GPI: variants seen among roughly 807,000 people sequenced by gnomAD.
GPI encodes glucose-6-phosphate isomerase.
A neutral mutation model predicts 75.8 loss-of-function variants in GPI; 56 were observed. The observed-to-expected ratio is 0.74, with a 90% confidence interval of 0.60 to 0.92. The LOEUF is 0.92. Among genes scored for constraint, GPI ranks in the 40% least tolerant of loss-of-function variants. The pLI is 0.00. For synonymous variants in GPI, 288 were observed against 285.4 expected, an observed-to-expected ratio of 1.01 and a Z score of -0.09; for missense variants, 638 against 741.0, an observed-to-expected ratio of 0.86 and a Z score of 1.61.
rs1481675001 is a variant in GPI at position 34,388,654 on chromosome 19, C to T, written c.805-4594C>T. The stretch of plus-strand genomic sequence containing the variant: ...GGTGAGGTCTAGAGACCCATGTCTG[C>T]AGATTGAGGGTTCGGAGGCTCAGGT... On this transcript the variant is annotated intron_variant, in intron 9 of 17. Transcript: ENST00000356487. Among the ~76,000 whole-genome samples the T allele has an allele frequency of 3.9e-5, 6 of 152,104 alleles. No individual in the cohort carries two copies. The South Asian group carries it at 1.0e-3, about 26-fold the overall frequency.
intron 4 of GPI, among the ~76,000 whole-genome samples, chr19:34,373,575 A>T (rs1226152516): frequency 6.6e-6 from 1 of 151,908 alleles, no homozygotes; most frequent in Admixed American, 6.6e-5. Flanking sequence ...AAAAAAAAAA[A>T]ATTAAAAGAA....
chr19:34,385,866 G>T (rs2074727258), intron 9 of GPI, among the ~76,000 whole-genome samples: 1 of 152,198 alleles, frequency 6.6e-6, no homozygotes, highest in Admixed American at 6.5e-5. Flanking sequence ...TCAGGCTCAG[G>T]TAGGTAGATC....
In GPI at chr19:34,393,860, C is replaced by G. The variant is rs561865202; in HGVS notation, c.910-54C>G. On this transcript the variant is annotated intron_variant, in intron 11 of 17. Coordinates refer to ENST00000356487, the MANE Select transcript of GPI (RefSeq NM_000175.5). This position sits in a 1 kb window ranked among gnomAD's most constrained non-coding sequence, Gnocchi z 4.4. Reference sequence around the variant, plus strand: ...CCCGCTTTCTCCCCCACTGTCCTGTCCCTCCCCTCCCCGTGCAGCTGCTCA... The same window carrying G: ...CCCGCTTTCTCCCCCACTGTCCTGTGCCTCCCCTCCCCGTGCAGCTGCTCA... 1 of 1,605,116 alleles carries G rather than the reference C, an allele frequency of 6.2e-7. No individual in the cohort carries two copies. Among genetic ancestry groups the G allele is most frequent in the East Asian group, 2.2e-5 (1 of 44,848 alleles).
At chr19:34,396,030 C>A (rs2074939559) in intron 12 of GPI, among the ~76,000 whole-genome samples, 1 of 151,554 alleles carries the variant, frequency 6.6e-6, no homozygotes, top group Non-Finnish European at 1.5e-5. Context: ...CCTCCGCCTC[C>A]CGGGTTCAAG....
At chr19:34,387,660 G>A (rs1183689405) in intron 9 of GPI, among the ~76,000 whole-genome samples, 1 of 151,656 alleles carries the variant, frequency 6.6e-6, no homozygotes, top group Non-Finnish European at 1.5e-5. Flanking sequence ...CCTAGCATTG[G>A]CACTGAGTCT....
chr19:34,373,360 G>A (rs1440873588), intron 4 of GPI, among the ~76,000 whole-genome samples: 1 of 150,876 alleles, frequency 6.6e-6, no homozygotes, highest in Non-Finnish European at 1.5e-5. Context: ...CTGCACTCCA[G>A]CCTGGGTGAC....
chr19:34,379,482 G>A (rs1036510344), intron 7 of GPI, 36 bp from the exon 8 acceptor site: 2 of 1,604,162 alleles, frequency 1.2e-6, no homozygotes, highest in Non-Finnish European at 1.7e-6. Context: ...TTGTCTCCCT[G>A]GGCTGGCTGT....
intron 12 of GPI, among the ~76,000 whole-genome samples, chr19:34,395,000 CA>C (rs2074923783): frequency 6.6e-6 from 1 of 152,114 alleles, no homozygotes; most frequent in Non-Finnish European, 1.5e-5. Context: ...AGGCATGAGC[CA>C]CCATGCCCAA....
intron 14 of GPI, chr19:34,397,306 T>C (rs1015689168): frequency 4.6e-5 from 7 of 153,588 alleles, no homozygotes; most frequent in African/African-American, 1.7e-4. Flanking sequence ...TCCAGCTTCC[T>C]TGCTGTGGGC....
At chr19:34,377,242 C>T (rs1476818585) in intron 4 of GPI, among the ~76,000 whole-genome samples, 1 of 121,284 alleles carries the variant, frequency 8.2e-6, no homozygotes, top group African/African-American at 3.2e-5. Context: ...GCAGAGATTG[C>T]AGGGAGCCGA....
At chr19:34,360,698 A>T (rs1349414773), upstream of GPI, among the ~76,000 whole-genome samples, 1 of 152,214 alleles carries the variant, frequency 6.6e-6, no homozygotes, top group African/African-American at 2.4e-5. Context: ...AGGAACTGGC[A>T]GGAGCACAGG....
At chr19:34,377,608 G>T in intron 5 of GPI, 22 bp downstream of exon 5, 1 of 1,601,584 alleles carries the variant, frequency 6.2e-7, no homozygotes, top group Non-Finnish European at 8.6e-7. Flanking sequence ...ACTGCCTTGG[G>T]GTAGGGTGGG....
Position 34,381,454 on chromosome 19 carries a change from T to C in GPI, c.751-12T>C. On this transcript the variant is annotated splice_polypyrimidine_tract_variant and intron_variant, in intron 8 of 17. Coordinates refer to ENST00000356487, the MANE Select transcript of GPI (RefSeq NM_000175.5). ...TCTTTGCATTTCTCTCCCTTTGTTT[T>C]TTTTTTTGTAGACCAAAGTGAAGGA... 2 of 1,592,480 alleles carry C rather than the reference T, an allele frequency of 1.3e-6. No homozygotes were observed. Among genetic ancestry groups the C allele is most frequent in the East Asian group, 2.2e-5 (1 of 44,766 alleles).
At chr19:34,377,336 A>AAAT (rs2074558981) in intron 4 of GPI, among the ~76,000 whole-genome samples, 167 bp from the exon 5 acceptor site, 5 of 49,342 alleles carry the variant, frequency 1.0e-4, no homozygotes, top group Non-Finnish European at 1.3e-4. Context: ...AAAAAAAAAA[A>AAAT]ATATATATAT....
At position 34,400,344 on chromosome 19, in the gene GPI, C is replaced by T. The variant is rs977095024; in HGVS notation, c.*308C>T. On this transcript the variant is annotated 3_prime_UTR_variant, in exon 18 of 18. Coordinates refer to ENST00000356487, the MANE Select transcript of GPI (RefSeq NM_000175.5). Reference sequence around the variant, plus strand: ...CCACGGAGGAGGTTGTAGGCTCAGCCTCTGATTTTTTTTTTCCTGTGATGG... The same window carrying T: ...CCACGGAGGAGGTTGTAGGCTCAGCTTCTGATTTTTTTTTTCCTGTGATGG... 9 of 596,056 alleles carry T rather than the reference C, an allele frequency of 1.5e-5. No individual in the cohort carries two copies. The highest frequency in any genetic ancestry group is 9.3e-5 in the African/African-American group (5 of 53,798). 36.9% of individuals were successfully genotyped at this position (596,056 alleles called of 1,614,324 possible).
intron 4 of GPI, among the ~76,000 whole-genome samples, 191 bp from the exon 5 acceptor site, chr19:34,377,301 CAAAAAAAAAAA>C (rs1169701523): frequency 0.017 from 259 of 15,448 alleles, 4 homozygotes; most frequent in South Asian, 0.042. Flanking sequence ...GGCTTCATCT[CAAAAAAAAAAA>C]AAAAAAAAAA....
intron 9 of GPI, among the ~76,000 whole-genome samples, chr19:34,391,572 G>A: frequency 2.6e-4 from 1 of 3,896 alleles, no homozygotes; most frequent in South Asian, 5.7e-3. Context: ...ATGAGAATCC[G>A]GGTCTGTCCA....
intron 3 of GPI, among the ~76,000 whole-genome samples, chr19:34,368,143 A>G (rs554515373): frequency 9.2e-5 from 14 of 152,318 alleles, no homozygotes; most frequent in African/African-American, 3.4e-4. Flanking sequence ...CTGGTCTCGA[A>G]TTCATGACCT....
chr19:34,388,267 A>G (rs2074767933), intron 9 of GPI, among the ~76,000 whole-genome samples: 1 of 152,222 alleles, frequency 6.6e-6, no homozygotes, highest in African/African-American at 2.4e-5. Flanking sequence ...ACTTGAGGTC[A>G]GGAGTTTGAG....
Sources: gnomAD v4.1 joint callset for allele counts (sites outside exome capture counted in the v4.1 genomes callset) on GRCh38, gnomAD v4.1.1 for gene constraint, Gnocchi (gnomAD v3.1) non-coding constraint, MANE v1.5 for transcripts, NCBI Gene and HGNC (gene_info 2026-07-23, HGNC 2026-07-21) for gene names.